NXPE2: variants seen among roughly 807,000 people sequenced by gnomAD.
NXPE2 encodes the protein neurexophilin and PC-esterase domain family member 2.
In NXPE2, 34 loss-of-function variants were observed where a neutral mutation model predicts 34.4. The ratio of observed to expected loss-of-function variants is 0.99; its 90% CI spans 0.75 to 1.31. The LOEUF (loss-of-function observed/expected upper bound fraction) is 1.31. Among genes scored for constraint, NXPE2 ranks in the 40% most tolerant of loss-of-function variants. The pLI, the probability that NXPE2 is intolerant of heterozygous loss-of-function variation, is 0.00. For synonymous variants in NXPE2, 235 were observed against 231.3 expected (o/e 1.02, Z -0.15); for missense variants, 649 against 672.5 (o/e 0.97, Z 0.39).
At chr11:114,713,233 A>G in the NXPE2 span, among the ~76,000 whole-genome samples, 128 of 152,318 alleles carry the variant, frequency 8.4e-4, no homozygotes, top group African/African-American at 3.0e-3. Context: ...CGTACTGTAC[A>G]CTGAAAAAAT....
the NXPE2 span, chr11:114,530,734 C>T: frequency 2.2e-5 from 35 of 1,614,092 alleles, no homozygotes; most frequent in Non-Finnish European, 2.9e-5. Flanking sequence ...GTGGTGTTCA[C>T]ATGGGTGAAA....
the NXPE2 span, among the ~76,000 whole-genome samples, chr11:114,501,785 C>A: frequency 6.6e-6 from 1 of 152,090 alleles, no homozygotes; most frequent in African/African-American, 2.4e-5. Flanking sequence ...AGTATCTCAA[C>A]GTATCAGTGA....
chr11:114,805,194 T>TC, the NXPE2 span, among the ~76,000 whole-genome samples: 1 of 150,740 alleles, frequency 6.6e-6, no homozygotes, highest in African/African-American at 2.5e-5. Context: ...ACAAGGAGTT[T>TC]TTTTTTTTTT....
At chr11:114,622,490 G>A in the NXPE2 span, among the ~76,000 whole-genome samples, 3 of 152,040 alleles carry the variant, frequency 2.0e-5, no homozygotes, top group Non-Finnish European at 2.9e-5. Flanking sequence ...GATAACCACT[G>A]TTACCAAGTG....
At chr11:114,530,746 G>A in the NXPE2 span, 2 of 1,614,130 alleles carry the variant, frequency 1.2e-6, no homozygotes, top group Non-Finnish European at 1.7e-6. Flanking sequence ...TGGGTGAAAG[G>A]TCTGGGTGGG....
upstream of NXPE2, among the ~76,000 whole-genome samples, chr11:114,676,749 T>C (rs1364268474): frequency 6.6e-6 from 1 of 152,062 alleles, no homozygotes; most frequent in Non-Finnish European, 1.5e-5. Flanking sequence ...GCAATCCCGC[T>C]AATGGGTATA....
chr11:114,746,360 A>AACAAC, the NXPE2 span, among the ~76,000 whole-genome samples: 21 of 152,334 alleles, frequency 1.4e-4, no homozygotes, highest in African/African-American at 4.8e-4. Flanking sequence ...GACAAAACAA[A>AACAAC]ACAACAACTT....
At chr11:114,633,090 G>T in the NXPE2 span, among the ~76,000 whole-genome samples, 7 of 111,220 alleles carry the variant, frequency 6.3e-5, no homozygotes, top group East Asian at 2.5e-4. Context: ...TATCTTTTAT[G>T]TATTTTATAT....
chr11:114,636,885 A>G, the NXPE2 span, among the ~76,000 whole-genome samples: 2 of 152,112 alleles, frequency 1.3e-5, no homozygotes, highest in Non-Finnish European at 1.5e-5. Flanking sequence ...ATTTCCAAGT[A>G]TATGGTCAAT....
At chr11:114,650,486 G>A in the NXPE2 span, among the ~76,000 whole-genome samples, 10 of 152,192 alleles carry the variant, frequency 6.6e-5, no homozygotes, top group African/African-American at 2.4e-4. Context: ...GCAGCAGCTA[G>A]GGGATGGGCA....
chr11:114,485,784 C>T, the NXPE2 span, among the ~76,000 whole-genome samples: 1 of 152,138 alleles, frequency 6.6e-6, no homozygotes. Context: ...TTTCACTTAA[C>T]ATAATGACCT....
At chr11:114,466,790 A>C in the NXPE2 span, among the ~76,000 whole-genome samples, 32 of 150,166 alleles carry the variant, frequency 2.1e-4, no homozygotes, top group Non-Finnish European at 5.9e-5. Flanking sequence ...CCTCTTCTTC[A>C]GGAGCAAATA....
chr11:114,746,314 G>A, the NXPE2 span, among the ~76,000 whole-genome samples: 2 of 152,076 alleles, frequency 1.3e-5, no homozygotes, highest in African/African-American at 4.8e-5. Flanking sequence ...TGTCAGCTGA[G>A]CCAGGATTTC....
chr11:114,570,286 C>G, the NXPE2 span, among the ~76,000 whole-genome samples: 1 of 152,072 alleles, frequency 6.6e-6, no homozygotes, highest in African/African-American at 2.4e-5. Context: ...GCCACTGCAC[C>G]CAACCCTCCA....
the NXPE2 span, among the ~76,000 whole-genome samples, chr11:114,793,495 G>C: frequency 6.6e-6 from 1 of 152,190 alleles, no homozygotes; most frequent in Admixed American, 6.5e-5. Flanking sequence ...AGATATGATA[G>C]AAAACCCAGC....
chr11:114,537,188 T>G, the NXPE2 span, among the ~76,000 whole-genome samples: 1 of 152,200 alleles, frequency 6.6e-6, no homozygotes. Flanking sequence ...ACCAGATGAT[T>G]ATCTCAATAG....
chr11:114,771,583 G>A, the NXPE2 span, among the ~76,000 whole-genome samples: 1 of 152,022 alleles, frequency 6.6e-6, no homozygotes, highest in African/African-American at 2.4e-5. Flanking sequence ...AGGATACTTG[G>A]GCAGTGGACC....
At chr11:114,746,794 C>T in the NXPE2 span, among the ~76,000 whole-genome samples, 34 of 151,068 alleles carry the variant, frequency 2.3e-4, 1 homozygote, top group African/African-American at 8.3e-4. Context: ...GAGGTTGCAG[C>T]GAGCCAAGAT....
the NXPE2 span, among the ~76,000 whole-genome samples, chr11:114,621,482 A>G: frequency 6.6e-6 from 1 of 152,032 alleles, no homozygotes; most frequent in Non-Finnish European, 1.5e-5. Flanking sequence ...CTCATGGGTA[A>G]CCTCTATTAC....
Sources: gnomAD v4.1 joint callset for allele counts (sites outside exome capture counted in the v4.1 genomes callset) on GRCh38, gnomAD v4.1.1 for gene constraint, MANE v1.5 for transcripts, NCBI Gene and HGNC (gene_info 2026-07-23, HGNC 2026-07-21) for gene names.